The following OVCH1 variants were observed in gnomAD, a reference collection of about 807,000 sequenced individuals.
OVCH1 encodes the protein ovochymase 1.
In OVCH1, 139 loss-of-function variants were observed where a neutral mutation model predicts 138.4. The observed-to-expected ratio is 1.00, with a 90% CI of 0.87 to 1.16. OVCH1 has a LOEUF of 1.16. Among genes scored for constraint, OVCH1 ranks in the 50% most tolerant of loss-of-function variants. The probability of loss-of-function intolerance (pLI) is 0.00; values close to 1 mark genes in which losing one functional copy is unlikely to be tolerated. For synonymous variants in OVCH1, 453 were observed against 467.8 expected, an observed-to-expected ratio of 0.97 and a Z score of 0.41; for missense variants, 1,367 against 1,357.9, an observed-to-expected ratio of 1.01 and a Z score of -0.11.
At chr12:29,427,854 A>G (rs1225165755) in intron 27 of OVCH1, among the ~76,000 whole-genome samples, 1 of 152,290 alleles carries the variant, frequency 6.6e-6, no homozygotes, top group East Asian at 1.9e-4. Flanking sequence ...AAATCCCTTC[A>G]CTGTTATATA....
intron 18 of OVCH1, 60 bp downstream of exon 18, chr12:29,464,447 A>G (rs778384376): frequency 5.2e-6 from 8 of 1,531,768 alleles, no homozygotes; most frequent in Non-Finnish European, 7.1e-6. Context: ...TATCATTTAC[A>G]TGACCTATTT....
At chr12:29,497,042 A>G (rs1943437229) in intron 1 of OVCH1, among the ~76,000 whole-genome samples, 1 of 152,168 alleles carries the variant, frequency 6.6e-6, no homozygotes, top group Non-Finnish European at 1.5e-5. Context: ...AGGCCCAGGT[A>G]GGCTGATCAC....
intron 6 of OVCH1, among the ~76,000 whole-genome samples, chr12:29,488,516 G>T (rs563387495): frequency 7.9e-5 from 12 of 151,028 alleles, no homozygotes; most frequent in Non-Finnish European, 1.8e-4. Context: ...CTACTCAGGA[G>T]GCTGAGGCAG....
At chr12:29,407,067 T>C in the OVCH1 span, among the ~76,000 whole-genome samples, 5 of 152,004 alleles carry the variant, frequency 3.3e-5, no homozygotes, top group Non-Finnish European at 7.4e-5. Context: ...TGATGATGAG[T>C]ATTTTTTCAT....
At chr12:29,448,031 G>A (rs1311657762) in intron 22 of OVCH1, among the ~76,000 whole-genome samples, 7 of 151,078 alleles carry the variant, frequency 4.6e-5, no homozygotes, top group Non-Finnish European at 7.4e-5. Context: ...TTTTAACCCT[G>A]GACTTCAAAC....
At position 29,455,073 on chromosome 12, in the gene OVCH1, A is replaced by C. The variant is rs886875096; in HGVS notation, c.2438-140T>G. 4 of 1,132,740 alleles carry C rather than the reference A, an allele frequency of 3.5e-6. No individual in the cohort carries two copies. The African/African-American group carries it at 6.3e-5, about 18-fold the overall frequency. 70.2% of individuals were successfully genotyped at this position (1,132,740 alleles called of 1,614,324 possible). A position where few individuals can be genotyped will look rare whatever the true frequency, so the allele number is the denominator to read the frequency against. ...AGCAGCCTAAGGAAAAGTCAGTTTA[A>C]CTCTACACATGGGAGAACTTATTTT... On this transcript the variant is annotated intron_variant, in intron 20 of 27. Transcript: ENST00000318184.
At chr12:29,489,579 C>T (rs534249454) in intron 6 of OVCH1, 41 bp downstream of exon 6, 52 of 1,546,914 alleles carry the variant, frequency 3.4e-5, no homozygotes, top group Non-Finnish European at 7.9e-6. Flanking sequence ...TACTTTCACC[C>T]ACATGTTACT....
At chr12:29,419,892 T>G (rs1256010073) in intron 3 of OVCH1, among the ~76,000 whole-genome samples, 3 of 152,150 alleles carry the variant, frequency 2.0e-5, no homozygotes, top group Non-Finnish European at 2.9e-5. Flanking sequence ...GTCTGAAAAT[T>G]GCCTTATAAG....
chr12:29,414,012 CTCTCTCTCTTTTTTT>C (rs1370608415), intron 3 of OVCH1, among the ~76,000 whole-genome samples: 3 of 80,462 alleles, frequency 3.7e-5, no homozygotes, highest in East Asian at 3.4e-4. Context: ...TTTCTCCTCT[CTCTCTCTCTTTTTTT>C]TTTTTTTTTT....
intron 27 of OVCH1, among the ~76,000 whole-genome samples, chr12:29,431,339 G>T (rs1326088977): frequency 6.6e-6 from 1 of 152,064 alleles, no homozygotes; most frequent in African/African-American, 2.4e-5. Flanking sequence ...TTGGGAGGCT[G>T]AGGTGGGAGG....
At chr12:29,420,265 C>G (rs1463111611) in intron 3 of OVCH1, among the ~76,000 whole-genome samples, 6 of 152,062 alleles carry the variant, frequency 3.9e-5, no homozygotes, top group Non-Finnish European at 7.4e-5. Flanking sequence ...TTTTTCAGAA[C>G]TTTCTATATT....
rs201598107 is a variant in OVCH1 at position 29,451,476 on chromosome 12, C to T, written c.2624G>A (p.Trp875Ter). The change falls in exon 22 of 28, where the codon TGG becomes TAG. Residue 875 changes from tryptophan to a stop codon, truncating the protein, a stop_gained. Transcript: ENST00000318184. LOFTEE classifies it high-confidence loss of function. ...ACTGCTTGCTGAAACTCTGAGCACC[C>T]AAGAACATTCCAGTCTTCCTCTATA... The T allele has an allele frequency of 3.0e-4, 488 of 1,613,194 alleles. No individual in the cohort carries two copies. The highest frequency in any genetic ancestry group is 3.9e-4 in the Non-Finnish European group (460 of 1,179,572).
At chr12:29,439,193 C>G in intron 26 of OVCH1, 2 of 682,360 alleles carry the variant, frequency 2.9e-6, no homozygotes, top group Non-Finnish European at 4.2e-6. Context: ...ATATGCCACC[C>G]CTAGAAGCTC....
intron 14 of OVCH1, among the ~76,000 whole-genome samples, chr12:29,474,123 C>G (rs557811307): frequency 6.8e-6 from 1 of 146,774 alleles, no homozygotes; most frequent in Admixed American, 6.7e-5. Context: ...ATCTGTCCCT[C>G]TAAGAGAACC....
intron 9 of OVCH1, 164 bp from the exon 11 acceptor site, chr12:29,477,642 G>A: frequency 6.3e-7 from 1 of 1,574,866 alleles, no homozygotes; most frequent in Non-Finnish European, 8.7e-7. Flanking sequence ...CAGTGACTTT[G>A]CTATTCCAGT....
chr12:29,427,663 T>C (rs1255295119), intron 27 of OVCH1: 25 of 1,548,578 alleles, frequency 1.6e-5, no homozygotes, highest in Non-Finnish European at 2.2e-5. Context: ...GAAATAAATA[T>C]TTGTTGTTTG....
At chr12:29,470,328 C>T (rs778942452) in intron 16 of OVCH1, among the ~76,000 whole-genome samples, 1 of 152,128 alleles carries the variant, frequency 6.6e-6, no homozygotes, top group Non-Finnish European at 1.5e-5. Context: ...AACCTGTCGT[C>T]TAGGTTTTAA....
intron 8 of OVCH1, among the ~76,000 whole-genome samples, chr12:29,479,417 C>T (rs1348679421): frequency 6.6e-6 from 1 of 152,176 alleles, no homozygotes; most frequent in African/African-American, 2.4e-5. Context: ...AATGTCATCT[C>T]TCTAACTCCC....
intron 25 of OVCH1, among the ~76,000 whole-genome samples, chr12:29,441,020 G>A (rs1482225497): frequency 1.3e-5 from 2 of 152,136 alleles, no homozygotes; most frequent in Non-Finnish European, 2.9e-5. Context: ...GTGCATGGTG[G>A]TGGGGTGTTT....
Sources: allele counts gnomAD v4.1 joint callset (sites outside exome capture counted in the v4.1 genomes callset), GRCh38; gene constraint gnomAD v4.1.1; transcripts MANE v1.5; gene names NCBI Gene and HGNC (gene_info 2026-07-23, HGNC 2026-07-21).